Variants in CNTNAP4 observed in about 807,000 individuals in gnomAD.
CNTNAP4 encodes contactin associated protein family member 4.
Under a neutral mutation model 148.4 loss-of-function variants are expected in CNTNAP4, and 98 were observed. The observed-to-expected ratio is 0.66, with a 90% CI of 0.56 to 0.78. The LOEUF is 0.78. CNTNAP4 is among the 30% of genes least tolerant of loss of function. The pLI, the probability that CNTNAP4 is intolerant of heterozygous loss-of-function variation, is 0.00. For synonymous variants in CNTNAP4, 730 were observed against 565.1 expected, an observed-to-expected ratio of 1.29 and a Z score of -4.14; for missense variants, 1,935 against 1,565.6, an observed-to-expected ratio of 1.24 and a Z score of -3.98.
chr16:76,462,058 T>C lies in CNTNAP4; in HGVS notation c.1436T>C (p.Leu479Pro). Reference sequence around the variant, plus strand: ...GGCCAGATGGCTTCTGCTGCTCCTCTGCTGGGGCCTGAGCAGATTTATTCG... The same window carrying C: ...GGCCAGATGGCTTCTGCTGCTCCTCCGCTGGGGCCTGAGCAGATTTATTCG... ...VDGQMASAAPLLGPEQIYSGG... is the reference protein window; with the variant it reads ...VDGQMASAAPPLGPEQIYSGG... The change falls in exon 9 of 24, where the codon CTG becomes CCG. Residue 479 changes from leucine to proline, a missense_variant. Physicochemically the swap from Leu to Pro is moderately conservative, Grantham distance 98. Coordinates refer to ENST00000611870, the MANE Select transcript of CNTNAP4 (RefSeq NM_033401.5). 6.2e-7 allele frequency: 1 copy of C among 1,613,928 alleles called. No homozygotes were observed. The highest frequency in any genetic ancestry group is 8.5e-7 in the Non-Finnish European group (1 of 1,179,840).
chr16:76,337,116 T>C (rs1245831467), intron 2 of CNTNAP4, among the ~76,000 whole-genome samples: 1 of 152,238 alleles, frequency 6.6e-6, no homozygotes, highest in Non-Finnish European at 1.5e-5. Flanking sequence ...ATTTATTCTG[T>C]ACACTTTAAA....
chr16:76,493,342 G>T (rs370458870), intron 13 of CNTNAP4, among the ~76,000 whole-genome samples: 16 of 152,120 alleles, frequency 1.1e-4, no homozygotes, highest in African/African-American at 3.9e-4. Flanking sequence ...ACACAGGAAG[G>T]GTGATCAATG....
chr16:76,444,945 T>C (rs571955017), intron 4 of CNTNAP4, among the ~76,000 whole-genome samples: 2 of 152,294 alleles, frequency 1.3e-5, no homozygotes, highest in East Asian at 3.9e-4. Context: ...TTCTGTACTT[T>C]GTTCCTTTCA....
intron 15 of CNTNAP4, among the ~76,000 whole-genome samples, chr16:76,515,036 A>G (rs2083193249): frequency 1.3e-5 from 2 of 152,286 alleles, no homozygotes; most frequent in South Asian, 4.1e-4. Flanking sequence ...AAATCTAAAC[A>G]TTTTTTAGAC....
chr16:76,326,922 A>G (rs1963043435), intron 2 of CNTNAP4, among the ~76,000 whole-genome samples: 1 of 152,148 alleles, frequency 6.6e-6, no homozygotes, highest in South Asian at 2.1e-4. Flanking sequence ...CACGTTGTGC[A>G]CATGTACCCT....
intron 3 of CNTNAP4, among the ~76,000 whole-genome samples, chr16:76,358,479 A>C (rs2012992131): frequency 6.6e-6 from 1 of 152,222 alleles, no homozygotes; most frequent in African/African-American, 2.4e-5. Context: ...AGATCATTGT[A>C]AGCTGAATTT....
At chr16:76,347,206 T>TA (rs1177734952) in intron 2 of CNTNAP4, among the ~76,000 whole-genome samples, 6 of 151,830 alleles carry the variant, frequency 4.0e-5, no homozygotes, top group Non-Finnish European at 8.8e-5. Context: ...GAAAACTTCA[T>TA]AAAAAATACC....
At chr16:76,432,854 C>T (rs1052167979) in intron 4 of CNTNAP4, among the ~76,000 whole-genome samples, 8 of 152,110 alleles carry the variant, frequency 5.3e-5, no homozygotes, top group Non-Finnish European at 1.2e-4. Context: ...ACTGTCAAGC[C>T]ATACTCAACT....
In CNTNAP4 at chr16:76,369,238, C is replaced by T. The variant is rs527615365; in HGVS notation, c.390+13727C>T. On this transcript the variant is annotated intron_variant, in intron 3 of 23. Coordinates refer to ENST00000611870, the MANE Select transcript of CNTNAP4 (RefSeq NM_033401.5). ...ATGTGTGCAATATAACAAAATAATA[C>T]GTTCTTTCATTTTAAGTTATTCATT... Among the ~76,000 whole-genome samples, 115 of 152,030 alleles carry T rather than the reference C, an allele frequency of 7.6e-4. No homozygotes were observed. The South Asian group carries it at 8.1e-3, about 11-fold the overall frequency.
At chr16:76,290,688 C>T (rs1959078394) in intron 1 of CNTNAP4, among the ~76,000 whole-genome samples, 1 of 152,222 alleles carries the variant, frequency 6.6e-6, no homozygotes, top group Non-Finnish European at 1.5e-5. Context: ...CCAAGGCATT[C>T]TACCAGTTTT....
chr16:76,493,302 T>C (rs2082290570), intron 13 of CNTNAP4, among the ~76,000 whole-genome samples: 1 of 152,120 alleles, frequency 6.6e-6, no homozygotes, highest in African/African-American at 2.4e-5. Flanking sequence ...TGAAAATATG[T>C]TTTCTGCTGC....
chr16:76,540,660 G>T, intron 20 of CNTNAP4, 43 bp from the exon 21 acceptor site: 1 of 1,389,936 alleles, frequency 7.2e-7, no homozygotes, highest in South Asian at 1.3e-5. Flanking sequence ...TCAACAAAAC[G>T]TCATCCATTT....
chr16:76,404,010 A>G, intron 3 of CNTNAP4, among the ~76,000 whole-genome samples: 1 of 152,172 alleles, frequency 6.6e-6, no homozygotes, highest in South Asian at 2.1e-4. Context: ...TCATAAATAC[A>G]AGGAAAGGAA....
At chr16:76,543,689 A>G (rs2084562425) in intron 21 of CNTNAP4, among the ~76,000 whole-genome samples, 1 of 152,164 alleles carries the variant, frequency 6.6e-6, no homozygotes, top group African/African-American at 2.4e-5. Context: ...CCTCCAGAGG[A>G]GTCCCTTGTT....
chr16:76,419,623 G>A (rs541133507), intron 3 of CNTNAP4, among the ~76,000 whole-genome samples: 1 of 152,118 alleles, frequency 6.6e-6, no homozygotes, highest in South Asian at 2.1e-4. Context: ...TCTCAGCTCT[G>A]ACTCTTTGGA....
At chr16:76,288,205 T>C (rs555792746) in intron 1 of CNTNAP4, among the ~76,000 whole-genome samples, 2 of 152,210 alleles carry the variant, frequency 1.3e-5, no homozygotes, top group East Asian at 3.9e-4. Context: ...AGTCTTCTCT[T>C]GCCTGCCACC....
intron 4 of CNTNAP4, among the ~76,000 whole-genome samples, chr16:76,443,011 C>A (rs539667481): frequency 1.1e-3 from 175 of 152,222 alleles, no homozygotes; most frequent in Admixed American, 2.6e-3. Context: ...TTTGTCAGAA[C>A]AATTTGCAAC....
At chr16:76,425,933 T>C (rs1164541778) in intron 3 of CNTNAP4, among the ~76,000 whole-genome samples, 2 of 152,074 alleles carry the variant, frequency 1.3e-5, no homozygotes, top group African/African-American at 2.4e-5. Flanking sequence ...GGGGAAGACA[T>C]TGGGGGTGAT....
At chr16:76,397,209 C>G (rs1597414519) in intron 3 of CNTNAP4, among the ~76,000 whole-genome samples, 1 of 151,828 alleles carries the variant, frequency 6.6e-6, no homozygotes, top group Non-Finnish European at 1.5e-5. Context: ...GGGCAGAGAA[C>G]AGTTTCCAAG....
Sources: allele counts gnomAD v4.1 joint callset (sites outside exome capture counted in the v4.1 genomes callset), GRCh38; gene constraint gnomAD v4.1.1; transcripts MANE v1.5; gene names NCBI Gene and HGNC (gene_info 2026-07-23, HGNC 2026-07-21).